Variants in PPDPFL observed in about 807,000 individuals in gnomAD.
PPDPFL encodes the protein pancreatic progenitor cell differentiation and proliferation factor-like protein.
Under a neutral mutation model 12.6 loss-of-function variants are expected in PPDPFL, and 12 were observed. The observed-to-expected ratio is 0.95, with a 90% CI of 0.61 to 1.54. The LOEUF (loss-of-function observed/expected upper bound fraction) is 1.54. Ranked by LOEUF, PPDPFL falls within the 40% of genes most tolerant of loss-of-function variation. The probability of loss-of-function intolerance (pLI) is 0.00; values close to 1 mark genes in which losing one functional copy is unlikely to be tolerated. For synonymous variants in PPDPFL, 24 were observed against 32.7 expected (o/e 0.73, Z 0.91); for missense variants, 114 against 96.0 (o/e 1.19, Z -0.78).
chr8:49,059,961 C>G (rs941634950), intron 1 of PPDPFL, among the ~76,000 whole-genome samples: 1 of 152,058 alleles, frequency 6.6e-6, no homozygotes, highest in African/African-American at 2.4e-5. Flanking sequence ...CCATTCCGGG[C>G]TTTGGACCAT....
chr8:49,065,269 T>G (rs2129244605), intron 1 of PPDPFL, among the ~76,000 whole-genome samples: 1 of 152,316 alleles, frequency 6.6e-6, no homozygotes, highest in Middle Eastern at 3.4e-3. Context: ...ACATTGAGGC[T>G]GAGGTGGAAA....
At chr8:49,066,689 A>G (rs1808305981) in intron 1 of PPDPFL, among the ~76,000 whole-genome samples, 1 of 152,178 alleles carries the variant, frequency 6.6e-6, no homozygotes, top group Admixed American at 6.5e-5. Context: ...TCTTCTAGAT[A>G]AGAACAACTT....
At chr8:49,073,709 A>T (rs77080425) in intron 2 of PPDPFL, among the ~76,000 whole-genome samples, 3,413 of 152,234 alleles carry the variant, frequency 0.022, 161 homozygotes, top group East Asian at 0.18. Flanking sequence ...AAATATACAT[A>T]TATGTAATAT....
chr8:49,066,062 C>T (rs545148415), intron 1 of PPDPFL, among the ~76,000 whole-genome samples: 17 of 152,342 alleles, frequency 1.1e-4, no homozygotes, highest in African/African-American at 3.8e-4. Flanking sequence ...AAGAAGTCCA[C>T]GCCAAGTGGC....
chr8:49,062,341 A>T (rs1808223783), intron 1 of PPDPFL, among the ~76,000 whole-genome samples: 1 of 152,220 alleles, frequency 6.6e-6, no homozygotes, highest in Non-Finnish European at 1.5e-5. Flanking sequence ...AAGTAACAAT[A>T]GCCCATACAA....
upstream of PPDPFL, among the ~76,000 whole-genome samples, chr8:49,071,882 A>G (rs1563301045): frequency 6.6e-6 from 1 of 152,110 alleles, no homozygotes; most frequent in Non-Finnish European, 1.5e-5. Flanking sequence ...GGAAGACTTC[A>G]ATGTTTCCTA....
chr8:49,066,631 T>A (rs1407395488), intron 1 of PPDPFL, among the ~76,000 whole-genome samples: 1 of 152,086 alleles, frequency 6.6e-6, no homozygotes, highest in Non-Finnish European at 1.5e-5. Flanking sequence ...AGGAGGGCAA[T>A]AATTTTCTGG....
upstream of PPDPFL, among the ~76,000 whole-genome samples, chr8:49,068,310 T>C (rs559295993): frequency 6.6e-5 from 10 of 151,806 alleles, no homozygotes; most frequent in South Asian, 1.9e-3. Flanking sequence ...CAGGTGAGAG[T>C]GGTACCTGAA....
intron 2 of PPDPFL, among the ~76,000 whole-genome samples, chr8:49,073,545 C>A (rs891857311): frequency 6.6e-6 from 1 of 152,158 alleles, no homozygotes; most frequent in Admixed American, 6.5e-5. Flanking sequence ...AAAGTTTACG[C>A]TCATTTACTT....
chr8:49,074,059 A>G lies in PPDPFL; in HGVS notation c.56A>G (p.Lys19Arg). The G allele has an allele frequency of 6.2e-7, 1 of 1,605,334 alleles. No homozygotes were observed. The highest frequency in any genetic ancestry group is 8.5e-7 in the Non-Finnish European group (1 of 1,173,088). Residue 19 changes from lysine (K) to arginine (R), a missense_variant and splice_region_variant, in exon 3 of 5, where the codon AAG becomes AGG. Physicochemically the swap from Lys to Arg is conservative, Grantham distance 26 (BLOSUM62 2). Transcript: ENST00000522267. ...CLLARNQYYR[K>R]SSVSSVSSLT... ...GTTTAATATCATTTGTTTCCTACAG[A>G]GTCCAGTGTTTCTTCAGTTAGTTCT... is the stretch of plus-strand genomic sequence containing the variant.
At chr8:49,054,574 C>T (rs910205344) in intron 1 of PPDPFL, among the ~76,000 whole-genome samples, 13 of 151,986 alleles carry the variant, frequency 8.6e-5, no homozygotes, top group East Asian at 1.9e-4. Context: ...TGTGGATTTT[C>T]GGTTGCTCAG....
chr8:49,074,508 A>G (rs907766432), intron 4 of PPDPFL, 175 bp downstream of exon 4: 2 of 1,537,838 alleles, frequency 1.3e-6, no homozygotes, highest in African/African-American at 2.7e-5. Context: ...CCCTCCTTGC[A>G]GGTCGCTGTC....
At position 49,075,289 on chromosome 8, in the gene PPDPFL, C is replaced by T. The variant is rs1382969825; in HGVS notation, c.*116C>T. The stretch of plus-strand genomic sequence containing the variant: ...CCTCTGCCTGCTGCAGTGGTCCATA[C>T]ATGAACAGCTCCCCTTCAGCGCCCC... On this transcript the variant is annotated 3_prime_UTR_variant, in exon 5 of 5. Coordinates refer to ENST00000522267, the MANE Select transcript of PPDPFL (RefSeq NM_001256597.2). The T allele has an allele frequency of 2.5e-6, 4 of 1,610,484 alleles. No homozygotes were observed. Among genetic ancestry groups the T allele is most frequent in the Non-Finnish European group, 3.4e-6 (4 of 1,176,716 alleles).
In PPDPFL at chr8:49,075,465, T is replaced by A; in HGVS notation, c.*292T>A. 2 of 605,070 alleles carry A rather than the reference T, an allele frequency of 3.3e-6. No individual in the cohort carries two copies. The highest frequency in any genetic ancestry group is 5.9e-6 in the Non-Finnish European group (2 of 340,732). The allele number at this position is 605,070 out of a possible 1,614,324, so 37.5% of individuals were successfully genotyped here. On this transcript the variant is annotated 3_prime_UTR_variant, in exon 5 of 5. Transcript: ENST00000522267. ...ATCGCTGGAAGTGGCACTTGCTACC[T>A]GGTGCATCTTTGAAAAGTGTGCCTT...
intron 1 of PPDPFL, among the ~76,000 whole-genome samples, chr8:49,061,203 A>ATAGGGTTTT (rs1401645660): frequency 6.6e-6 from 1 of 152,148 alleles, no homozygotes; most frequent in African/African-American, 2.4e-5. Context: ...GGATTTGAAG[A>ATAGGGTTTT]TAGGGTTTTA....
chr8:49,074,810 G>A (rs1808462339), intron 4 of PPDPFL: 3 of 1,424,090 alleles, frequency 2.1e-6, no homozygotes, highest in Middle Eastern at 2.6e-4. Context: ...CAAACACACT[G>A]ACTAGCACAG....
At chr8:49,072,733 A>C in intron 1 of PPDPFL, 54 bp from the exon 2 acceptor site, 1 of 813,800 alleles carries the variant, frequency 1.2e-6, no homozygotes, top group Non-Finnish European at 1.9e-6. Flanking sequence ...GAAAAAAGAA[A>C]AGGAAACTCC....
intron 1 of PPDPFL, among the ~76,000 whole-genome samples, chr8:49,060,213 T>C (rs1808176671): frequency 6.6e-6 from 1 of 152,216 alleles, no homozygotes; most frequent in African/African-American, 2.4e-5. Context: ...GCTTTCAACA[T>C]GTTAGGTGGA....
chr8:49,072,725 A>G (rs969313889), intron 1 of PPDPFL, 62 bp from the exon 2 acceptor site: 9 of 746,530 alleles, frequency 1.2e-5, no homozygotes, highest in Non-Finnish European at 2.0e-5. Flanking sequence ...GTCACGTGGA[A>G]AAAAGAAAAG....
Sources: allele counts gnomAD v4.1 joint callset (sites outside exome capture counted in the v4.1 genomes callset), GRCh38; gene constraint gnomAD v4.1.1; transcripts MANE v1.5; gene names NCBI Gene and HGNC (gene_info 2026-07-23, HGNC 2026-07-21).